AHCYL2: variants seen among roughly 807,000 people sequenced by gnomAD.
AHCYL2 encodes S-adenosylhomocysteine hydrolase-like protein 2.
AHCYL2 carries 28 observed loss-of-function variants against 81.4 expected under a neutral mutation model. The ratio of observed to expected loss-of-function variants is 0.34; its 90% CI spans 0.25 to 0.47. AHCYL2 has a LOEUF of 0.47. Ranked by LOEUF, AHCYL2 falls within the 20% of genes least tolerant of loss-of-function variation. The pLI, the probability that AHCYL2 is intolerant of heterozygous loss-of-function variation, is 1.00. For missense variants in AHCYL2, 551 were observed against 785.1 expected (o/e 0.70, Z 3.56); for synonymous variants, 272 against 290.2 (o/e 0.94, Z 0.64).
chr7:129,368,372 T>TA lies in AHCYL2; in HGVS notation c.364-11265dup. ...CTGTGAAAAGGGATGCAGCTTCTGC[T>TA]AGCCACTGTGAACTTCTGAATCTCA... On this transcript the variant is annotated intron_variant, in intron 1 of 16. Coordinates refer to ENST00000325006, the MANE Select transcript of AHCYL2 (RefSeq NM_015328.4). The surrounding 1 kb of genome is among the most constrained non-coding windows in gnomAD (Gnocchi z 4.4). 1 of 1,536,454 alleles carries TA rather than the reference T, an allele frequency of 6.5e-7. No homozygotes were observed.
At chr7:129,225,577 ACT>A (rs1400330148) in intron 1 of AHCYL2, 138 bp downstream of exon 1, 1 of 1,340,298 alleles carries the variant, frequency 7.5e-7, no homozygotes, top group African/African-American at 1.6e-5. Context: ...CCTTAAACCC[ACT>A]CTCTCAGAGA....
At chr7:129,261,473 A>T (rs1795641108) in intron 1 of AHCYL2, among the ~76,000 whole-genome samples, 1 of 152,212 alleles carries the variant, frequency 6.6e-6, no homozygotes, top group Non-Finnish European at 1.5e-5. Context: ...AAGAAAGTTA[A>T]TCTTGATTTC....
intron 1 of AHCYL2, among the ~76,000 whole-genome samples, chr7:129,239,693 A>G (rs556206266): frequency 3.9e-5 from 6 of 152,262 alleles, no homozygotes; most frequent in Admixed American, 3.3e-4. Flanking sequence ...GGAAACTTAC[A>G]GTAAAACCTG....
intron 2 of AHCYL2, chr7:129,388,142 G>T (rs1446340915): frequency 1.3e-5 from 2 of 152,134 alleles, no homozygotes; most frequent in African/African-American, 2.4e-5. Flanking sequence ...GCGTTTTCTA[G>T]AGAGTGTTTC....
rs554429605 is a variant in AHCYL2 at position 129,418,599 on chromosome 7, G to A, written c.1462-4241G>A. Among the ~76,000 whole-genome samples the A allele has an allele frequency of 7.9e-5, 12 of 152,106 alleles. No individual in the cohort carries two copies. The East Asian group carries it at 1.6e-3, about 20-fold the overall frequency. On this transcript the variant is annotated intron_variant, in intron 12 of 16. Coordinates refer to ENST00000325006, the MANE Select transcript of AHCYL2 (RefSeq NM_015328.4). ...CAGGCATGAGCCACCGCGCCCAGCC[G>A]ACTTAGGTTTTTAAAAATTACTCTG...
intron 1 of AHCYL2, chr7:129,375,571 A>G (rs1746568147): frequency 4.9e-6 from 6 of 1,215,288 alleles, no homozygotes; most frequent in Non-Finnish European, 6.2e-6. Flanking sequence ...CAAGGTTTAG[A>G]GGTCAGAGGA....
chr7:129,413,718 T>C, intron 12 of AHCYL2, 30 bp downstream of exon 12: 2 of 1,581,560 alleles, frequency 1.3e-6, no homozygotes, highest in Admixed American at 3.3e-5. Context: ...TATTGGGGGC[T>C]TTTTTCTCTC....
chr7:129,239,957 C>G (rs1794788609), intron 1 of AHCYL2, among the ~76,000 whole-genome samples: 1 of 152,060 alleles, frequency 6.6e-6, no homozygotes. Context: ...GACGCGGTGG[C>G]TCACGCCTGT....
At chr7:129,258,279 TC>T (rs1181390128) in intron 1 of AHCYL2, among the ~76,000 whole-genome samples, 1 of 149,760 alleles carries the variant, frequency 6.7e-6, no homozygotes, top group Non-Finnish European at 1.5e-5. Context: ...GAATCCCCCA[TC>T]CTTCACTTTT....
At chr7:129,233,110 A>G (rs1032612592) in intron 1 of AHCYL2, among the ~76,000 whole-genome samples, 3 of 152,180 alleles carry the variant, frequency 2.0e-5, no homozygotes, top group Non-Finnish European at 4.4e-5. Flanking sequence ...CATAATCAGC[A>G]TTACCTAGCA....
At chr7:129,282,858 GA>G (rs1445468567) in intron 1 of AHCYL2, among the ~76,000 whole-genome samples, 1 of 151,978 alleles carries the variant, frequency 6.6e-6, no homozygotes, top group Non-Finnish European at 1.5e-5. Flanking sequence ...ATAGAGAGAA[GA>G]GGGGGAGAAA....
Position 129,225,329 on chromosome 7 carries a change from G to A in AHCYL2, c.253G>A (p.Ala85Thr). 6.7e-7 allele frequency: 1 copy of A among 1,499,896 alleles called. No individual in the cohort carries two copies. The highest frequency in any genetic ancestry group is 8.8e-7 in the Non-Finnish European group (1 of 1,132,168). 92.9% of individuals were successfully genotyped at this position (1,499,896 alleles called of 1,614,324 possible). ...CGCCGGGAAGGTGCCTCAGGCGTCG[G>A]CCATGAAGCGGAGCGACCCACATCA... Reference protein sequence around the residue: ...PAAGKVPQASAMKRSDPHHQH... With the variant: ...PAAGKVPQASTMKRSDPHHQH... Residue 85 changes from alanine to threonine, a missense_variant, in exon 1 of 17, where the codon GCC becomes ACC. Ala to Thr is a moderately conservative substitution (Grantham distance 58). Around this residue, in one of 2 missense-constraint regions of AHCYL2, gnomAD observed 235 missense variants for 242.1 expected, o/e 0.97. Transcript: ENST00000325006.
intron 1 of AHCYL2, among the ~76,000 whole-genome samples, chr7:129,240,965 G>GTT (rs1272308325): frequency 6.6e-6 from 1 of 152,106 alleles, no homozygotes; most frequent in Non-Finnish European, 1.5e-5. Context: ...GAATGACTTA[G>GTT]GAATTATTTA....
At chr7:129,362,597 G>GGT (rs1793967958) in intron 1 of AHCYL2, among the ~76,000 whole-genome samples, 1 of 63,630 alleles carries the variant, frequency 1.6e-5, no homozygotes, top group African/African-American at 5.3e-5. Context: ...TGGTTTTCTT[G>GGT]TTTTTTTTTT....
intron 1 of AHCYL2, among the ~76,000 whole-genome samples, chr7:129,306,144 G>A (rs1008500550): frequency 6.6e-6 from 1 of 152,140 alleles, no homozygotes; most frequent in African/African-American, 2.4e-5. Context: ...CTCTAGGCTT[G>A]GGAAGTTCTC....
chr7:129,238,400 G>A (rs1454076944), intron 1 of AHCYL2, among the ~76,000 whole-genome samples: 1 of 152,122 alleles, frequency 6.6e-6, no homozygotes, highest in Non-Finnish European at 1.5e-5. Context: ...CTGGATATTT[G>A]CCTAATAATC....
chr7:129,425,078 G>C lies in AHCYL2; in HGVS notation c.1645G>C (p.Glu549Gln). The C allele has an allele frequency of 6.2e-7, 1 of 1,613,782 alleles. No individual in the cohort carries two copies. The highest frequency in any genetic ancestry group is 8.5e-7 in the Non-Finnish European group (1 of 1,179,972). The change falls in exon 15 of 17, where the codon GAG becomes CAG. Residue 549 changes from glutamate (E) to glutamine (Q), a missense_variant. Transcript: ENST00000325006. ...TATTQALALI[E>Q]LYNAPEGRYK... ...GCTTTTCTAGGCTCTTGCCTTGATA[G>C]AGCTTTACAATGCTCCTGAGGGTCG...
intron 1 of AHCYL2, among the ~76,000 whole-genome samples, chr7:129,342,463 G>C (rs1793217797): frequency 6.6e-6 from 1 of 152,138 alleles, no homozygotes; most frequent in South Asian, 2.1e-4. Context: ...AGAAGCAAAA[G>C]GTAGGTGAAT....
At chr7:129,239,129 C>A (rs990353337) in intron 1 of AHCYL2, among the ~76,000 whole-genome samples, 1 of 152,168 alleles carries the variant, frequency 6.6e-6, no homozygotes, top group Non-Finnish European at 1.5e-5. Flanking sequence ...GTATAACACT[C>A]AAGCTAATCT....
Sources: gnomAD v4.1 joint callset for allele counts (sites outside exome capture counted in the v4.1 genomes callset) on GRCh38, gnomAD v4.1.1 for gene constraint, gnomAD v4.1.1 regional missense constraint, Gnocchi (gnomAD v3.1) non-coding constraint, MANE v1.5 for transcripts, NCBI Gene and HGNC (gene_info 2026-07-23, HGNC 2026-07-21) for gene names.